P2RY8: variants seen among roughly 807,000 people sequenced by gnomAD.
P2RY8 encodes S-geranylgeranyl-glutathione receptor P2RY8.
A neutral mutation model predicts 10.0 loss-of-function variants in P2RY8; 6 were observed. The ratio of observed to expected loss-of-function variants is 0.60; its 90% CI spans 0.33 to 1.19. The LOEUF (loss-of-function observed/expected upper bound fraction) is 1.19, where lower values mean the gene tolerates loss of function less well. Ranked by LOEUF, P2RY8 falls within the 50% of genes most tolerant of loss-of-function variation. P2RY8 has a pLI of 0.04. For synonymous variants in P2RY8, 276 were observed against 252.5 expected (o/e 1.09, Z -0.88); for missense variants, 456 against 542.0 (o/e 0.84, Z 1.58).
chrX:1,481,373 G>C (rs140930859), intron 1 of P2RY8, among the ~76,000 whole-genome samples: 1 of 152,096 alleles, frequency 6.6e-6, no homozygotes, highest in Non-Finnish European at 1.5e-5. Flanking sequence ...TATGTTAGCC[G>C]GGCTGGTCTT....
In P2RY8 at chrX:1,464,612, G is replaced by A. The variant is rs1276895456; in HGVS notation, c.*867C>T. The A allele has an allele frequency of 1.1e-4, 26 of 233,222 alleles. No individual in the cohort carries two copies. The South Asian group carries it at 3.6e-3, about 32-fold the overall frequency. 14.4% of individuals were successfully genotyped at this position (233,222 alleles called of 1,614,324 possible). A position where few individuals can be genotyped will look rare whatever the true frequency, so the allele number is the denominator to read the frequency against. ...CCCCATCTCACGGAGCCTCCTTTCC[G>A]CACCTGGGCCTCCCGTGGTCCTTGT... On this transcript the variant is annotated 3_prime_UTR_variant, in exon 2 of 2. Coordinates refer to ENST00000381297, the MANE Select transcript of P2RY8 (RefSeq NM_178129.5).
intron 1 of P2RY8, among the ~76,000 whole-genome samples, chrX:1,490,315 A>G (rs1167684712): frequency 2.0e-4 from 27 of 133,980 alleles, no homozygotes; most frequent in African/African-American, 6.6e-4. Context: ...GAATGAATGA[A>G]TGATACCCCA....
chrX:1,519,485 C>T (rs1210733983), intron 1 of P2RY8, among the ~76,000 whole-genome samples: 1 of 151,974 alleles, frequency 6.6e-6, no homozygotes, highest in Non-Finnish European at 1.5e-5. Flanking sequence ...AATAATCTCT[C>T]TGGTCCCCAA....
intron 1 of P2RY8, among the ~76,000 whole-genome samples, chrX:1,531,388 T>C (rs1445236637): frequency 2.6e-5 from 4 of 152,162 alleles, no homozygotes; most frequent in African/African-American, 7.2e-5. Flanking sequence ...CCCATCTTCC[T>C]GCATGCCCTC....
chrX:1,486,969 G>C (rs762049300), intron 1 of P2RY8, among the ~76,000 whole-genome samples: 1 of 152,250 alleles, frequency 6.6e-6, no homozygotes, highest in Non-Finnish European at 1.5e-5. Context: ...CCCCAGGGCC[G>C]AGCTTCCGCT....
intron 1 of P2RY8, among the ~76,000 whole-genome samples, chrX:1,524,705 CCACTCATCCATTCATCCATCCATCCATA>C (rs2092425172): frequency 2.4e-5 from 2 of 84,130 alleles, no homozygotes; most frequent in Non-Finnish European, 5.3e-5. Context: ...ATCCATCCAT[CCACTCATCCATTCATCCATCCATCCATA>C]CATCCATGCA....
At chrX:1,485,305 A>G (rs1323760808) in intron 1 of P2RY8, among the ~76,000 whole-genome samples, 2 of 151,566 alleles carry the variant, frequency 1.3e-5, no homozygotes, top group Non-Finnish European at 2.9e-5. Context: ...GCCCAGCTAC[A>G]TTTTTGAATT....
chrX:1,535,136 C>G (rs1453249385), intron 1 of P2RY8, among the ~76,000 whole-genome samples: 1 of 149,044 alleles, frequency 6.7e-6, no homozygotes, highest in Non-Finnish European at 1.5e-5. Context: ...TGGCACCTGT[C>G]TGGCAGTGCC....
intron 1 of P2RY8, among the ~76,000 whole-genome samples, chrX:1,524,745 C>G (rs1603458581): frequency 1.0e-4 from 1 of 9,790 alleles, no homozygotes; most frequent in Non-Finnish European, 1.8e-4. Flanking sequence ...ATCCATGCAT[C>G]CATCCATCCA....
Position 1,463,035 on chromosome X carries a change from G to T in P2RY8, c.*2444C>A. ...GCAACGTCTTCCTTTGCTGGGGGAC[G>T]TCAGGGTTCTCGCACGTTGTCGAGG... On this transcript the variant is annotated 3_prime_UTR_variant, in exon 2 of 2. Coordinates refer to ENST00000381297, the MANE Select transcript of P2RY8 (RefSeq NM_178129.5). 4.3e-6 allele frequency: 1 copy of T among 232,960 alleles called. No homozygotes were observed. The highest frequency in any genetic ancestry group is 6.0e-5 in the East Asian group (1 of 16,592). 14.4% of individuals were successfully genotyped at this position (232,960 alleles called of 1,614,324 possible). A position where few individuals can be genotyped will look rare whatever the true frequency, so the allele number is the denominator to read the frequency against.
At chrX:1,499,163 C>CTTTTTTTTTTTTTTTTT (rs1163119480) in intron 1 of P2RY8, among the ~76,000 whole-genome samples, 3 of 48,438 alleles carry the variant, frequency 6.2e-5, no homozygotes, top group African/African-American at 1.1e-4. Flanking sequence ...TTTTTCTTTT[C>CTTTTTTTTTTTTTTTTT]TTTTTTTTTT....
intron 1 of P2RY8, among the ~76,000 whole-genome samples, chrX:1,530,532 A>C (rs1426321358): frequency 2.0e-5 from 3 of 149,706 alleles, no homozygotes; most frequent in African/African-American, 7.3e-5. Context: ...GTACGTACAT[A>C]TGTATGTATC....
At chrX:1,471,843 C>G (rs2149376562) in intron 1 of P2RY8, among the ~76,000 whole-genome samples, 1 of 152,246 alleles carries the variant, frequency 6.6e-6, no homozygotes, top group African/African-American at 2.4e-5. Context: ...TATAACCACC[C>G]CTCTTTCCTG....
At chrX:1,522,168 T>C (rs2092397747) in intron 1 of P2RY8, among the ~76,000 whole-genome samples, 3 of 151,560 alleles carry the variant, frequency 2.0e-5, no homozygotes, top group South Asian at 2.1e-4. Context: ...TTAGCCAGGC[T>C]AGTCTCGAAC....
chrX:1,498,586 T>G (rs2092143556), intron 1 of P2RY8, among the ~76,000 whole-genome samples: 1 of 150,920 alleles, frequency 6.6e-6, no homozygotes, highest in Non-Finnish European at 1.5e-5. Flanking sequence ...GGCACAATCT[T>G]GGTTCACTGC....
chrX:1,466,894 C>T (rs773663768), intron 1 of P2RY8, among the ~76,000 whole-genome samples: 3 of 145,216 alleles, frequency 2.1e-5, no homozygotes, highest in African/African-American at 7.5e-5. Context: ...TTCCTTCCCG[C>T]CCTCCCTCCC....
At chrX:1,506,028 C>T (rs1357831826) in intron 1 of P2RY8, among the ~76,000 whole-genome samples, 3 of 141,220 alleles carry the variant, frequency 2.1e-5, no homozygotes, top group Admixed American at 7.3e-5. Context: ...AGTCACACTC[C>T]GTCACCCAGG....
At chrX:1,476,984 T>C (rs1460628620) in intron 1 of P2RY8, among the ~76,000 whole-genome samples, 1 of 151,046 alleles carries the variant, frequency 6.6e-6, no homozygotes, top group African/African-American at 2.4e-5. Context: ...AGGTCAGGAG[T>C]TTGAGACCAG....
In P2RY8 at chrX:1,497,831, C is replaced by T. The variant is rs186593134; in HGVS notation, c.-24-31249G>A. Among the ~76,000 whole-genome samples the T allele has an allele frequency of 7.2e-4, 110 of 152,016 alleles. No individual in the cohort carries two copies. In the South Asian group the frequency reaches 0.013, roughly 18 times the overall value. Reference sequence around the variant, plus strand: ...GGGGCGGCGAGGGGCTTGTTGGGACCGGCTTGGAGGCCTGTGGGTGTCAGA... The same window carrying T: ...GGGGCGGCGAGGGGCTTGTTGGGACTGGCTTGGAGGCCTGTGGGTGTCAGA... On this transcript the variant is annotated intron_variant, in intron 1 of 1. Coordinates refer to ENST00000381297, the MANE Select transcript of P2RY8 (RefSeq NM_178129.5).
Sources: gnomAD v4.1 joint callset for allele counts (sites outside exome capture counted in the v4.1 genomes callset) on GRCh38, gnomAD v4.1.1 for gene constraint, MANE v1.5 for transcripts, NCBI Gene and HGNC (gene_info 2026-07-23, HGNC 2026-07-21) for gene names.